The following MAP3K5 variants were observed in gnomAD, a reference collection of about 807,000 sequenced individuals.
The protein encoded by MAP3K5 is mitogen-activated protein kinase kinase kinase 5.
Under a neutral mutation model 158.7 loss-of-function variants are expected in MAP3K5, and 56 were observed. The observed-to-expected ratio is 0.35, with a 90% CI of 0.28 to 0.44. The LOEUF is 0.44. MAP3K5 is among the 20% of genes least tolerant of loss of function. MAP3K5 has a pLI of 1.00. For synonymous variants in MAP3K5, 579 were observed against 601.7 expected, an observed-to-expected ratio of 0.96 and a Z score of 0.55; for missense variants, 1,294 against 1,674.8, an observed-to-expected ratio of 0.77 and a Z score of 3.97.
At chr6:136,697,152 A>C in intron 5 of MAP3K5, 67 bp downstream of exon 5, 1 of 1,380,880 alleles carries the variant, frequency 7.2e-7, no homozygotes, top group East Asian at 2.4e-5. Flanking sequence ...CTGAAATTTG[A>C]GGTTAATACT....
chr6:136,570,790 A>G (rs1006308732), intron 25 of MAP3K5, among the ~76,000 whole-genome samples: 1 of 152,178 alleles, frequency 6.6e-6, no homozygotes, highest in Non-Finnish European at 1.5e-5. Flanking sequence ...CTGCCCATCA[A>G]CAACTCCCCA....
chr6:136,676,984 G>A (rs1216417972), intron 7 of MAP3K5, among the ~76,000 whole-genome samples: 1 of 150,734 alleles, frequency 6.6e-6, no homozygotes, highest in Non-Finnish European at 1.5e-5. Flanking sequence ...TAGAGACAAG[G>A]TTTCACTGTG....
chr6:136,585,349 C>A (rs1464379899), intron 23 of MAP3K5, among the ~76,000 whole-genome samples: 2 of 151,710 alleles, frequency 1.3e-5, no homozygotes, highest in Non-Finnish European at 2.9e-5. Context: ...AATTCCTGGG[C>A]TCAAGTGATC....
intron 1 of MAP3K5, among the ~76,000 whole-genome samples, chr6:136,738,966 A>C (rs893218077): frequency 2.7e-5 from 4 of 149,716 alleles, no homozygotes; most frequent in South Asian, 4.2e-4. Context: ...ACACACACAC[A>C]CCCATGCACA....
chr6:136,786,519 T>C lies in MAP3K5; in HGVS notation c.448+5191A>G, dbSNP rs551384260. Among the ~76,000 whole-genome samples, 38 of 152,320 alleles carry C rather than the reference T, an allele frequency of 2.5e-4. No homozygotes were observed. In the East Asian group the frequency reaches 6.8e-3, roughly 27 times the overall value. Reference sequence around the variant, plus strand: ...CAATGCAGAGGGCAAAGAAGGGGTATTGTCAGCTTGGCTTTGCTGTCTCTG... The same window carrying C: ...CAATGCAGAGGGCAAAGAAGGGGTACTGTCAGCTTGGCTTTGCTGTCTCTG... On this transcript the variant is annotated intron_variant, in intron 1 of 29. Transcript: ENST00000359015.
intron 1 of MAP3K5, among the ~76,000 whole-genome samples, chr6:136,749,659 G>A (rs763430994): frequency 1.3e-5 from 2 of 151,872 alleles, no homozygotes; most frequent in African/African-American, 2.4e-5. Flanking sequence ...CAATTACCAC[G>A]AACTTAAAAT....
At chr6:136,582,759 T>C (rs1210950624) in intron 24 of MAP3K5, among the ~76,000 whole-genome samples, 1 of 152,250 alleles carries the variant, frequency 6.6e-6, no homozygotes, top group African/African-American at 2.4e-5. Context: ...AATAAAATTA[T>C]ACTTCCATAT....
At chr6:136,583,767 C>T (rs762833648) in intron 23 of MAP3K5, 27 bp from the exon 24 acceptor site, 13 of 1,598,206 alleles carry the variant, frequency 8.1e-6, no homozygotes, top group African/African-American at 1.4e-5. Context: ...ACAATCCTTA[C>T]ATCAACATAT....
chr6:136,639,536 T>C lies in MAP3K5; in HGVS notation c.1934+7A>G. ...AATCTTTTTCACACACAATGACTAA[T>C]ACGTACTTTTTACAATGAAGTTCTG... On this transcript the variant is annotated splice_region_variant and intron_variant, in intron 13 of 29. Coordinates refer to ENST00000359015, the MANE Select transcript of MAP3K5 (RefSeq NM_005923.4). 3 of 1,495,178 alleles carry C rather than the reference T, an allele frequency of 2.0e-6. No individual in the cohort carries two copies. Among genetic ancestry groups the C allele is most frequent in the Non-Finnish European group, 2.8e-6 (3 of 1,084,284 alleles). 92.6% of individuals were successfully genotyped at this position (1,495,178 alleles called of 1,614,324 possible).
intron 1 of MAP3K5, among the ~76,000 whole-genome samples, chr6:136,735,142 T>C (rs1782401219): frequency 6.6e-6 from 1 of 152,250 alleles, no homozygotes; most frequent in African/African-American, 2.4e-5. Flanking sequence ...GAGGTATTTC[T>C]CACTCTGGCT....
chr6:136,758,293 T>C (rs1783595207), intron 1 of MAP3K5, among the ~76,000 whole-genome samples: 1 of 152,256 alleles, frequency 6.6e-6, no homozygotes, highest in African/African-American at 2.4e-5. Flanking sequence ...TAACAAAGCC[T>C]TGCAGTTTTT....
chr6:136,765,666 C>G (rs1286851956), intron 1 of MAP3K5, among the ~76,000 whole-genome samples: 1 of 150,982 alleles, frequency 6.6e-6, no homozygotes, highest in Non-Finnish European at 1.5e-5. Context: ...GTGCCCACCA[C>G]CATGCCTGGC....
intron 1 of MAP3K5, among the ~76,000 whole-genome samples, chr6:136,750,862 C>A (rs145481594): frequency 9.8e-4 from 149 of 152,312 alleles, no homozygotes; most frequent in African/African-American, 3.5e-3. Context: ...AAAATTTCCA[C>A]AAATATTCCT....
intron 14 of MAP3K5, among the ~76,000 whole-genome samples, chr6:136,633,388 ACT>A (rs1230184694): frequency 6.6e-6 from 1 of 151,380 alleles, no homozygotes; most frequent in Non-Finnish European, 1.5e-5. Flanking sequence ...ACAGAGCAAG[ACT>A]CTGTCTGAAA....
rs577477367 is a variant in MAP3K5, at chr6:136,579,311, G to T, written c.3517+990C>A. Among the ~76,000 whole-genome samples the T allele has an allele frequency of 2.6e-5, 4 of 152,030 alleles. 1 individual carries two copies. Among genetic ancestry groups the T allele is most frequent in the South Asian group, 4.1e-4 (2 of 4,824 alleles). ...ATTAATGGGTAGACTATCAAAACAC[G>T]TTGGAGGTTTTGCCTTAGAGTATGA... On this transcript the variant is annotated intron_variant, in intron 25 of 29. Transcript: ENST00000359015.
intron 1 of MAP3K5, among the ~76,000 whole-genome samples, chr6:136,753,088 A>T (rs1280223914): frequency 6.6e-6 from 1 of 152,172 alleles, no homozygotes; most frequent in Non-Finnish European, 1.5e-5. Context: ...TACTTATCCC[A>T]ACAGGAACCC....
chr6:136,774,563 A>G (rs1784336816), intron 1 of MAP3K5, among the ~76,000 whole-genome samples: 6 of 152,256 alleles, frequency 3.9e-5, no homozygotes, highest in Admixed American at 3.9e-4. Flanking sequence ...GGATGACATC[A>G]TTGAATTGTA....
At chr6:136,653,199 G>A (rs1282432804) in intron 10 of MAP3K5, among the ~76,000 whole-genome samples, 2 of 152,068 alleles carry the variant, frequency 1.3e-5, no homozygotes, top group Admixed American at 6.5e-5. Context: ...AGAAGGAAAG[G>A]AAATATACCA....
intron 20 of MAP3K5, 43 bp downstream of exon 20, chr6:136,601,759 A>T: frequency 1.9e-6 from 3 of 1,577,680 alleles, no homozygotes; most frequent in Non-Finnish European, 2.6e-6. Context: ...AAAGCTTAGG[A>T]TTGAAGGACT....
Sources: allele counts gnomAD v4.1 joint callset (sites outside exome capture counted in the v4.1 genomes callset), GRCh38; gene constraint gnomAD v4.1.1; transcripts MANE v1.5; gene names NCBI Gene and HGNC (gene_info 2026-07-23, HGNC 2026-07-21).